The following CSMD1 variants were observed in gnomAD, a reference collection of about 807,000 sequenced individuals.
CSMD1 encodes the protein CUB and sushi domain-containing protein 1.
In CSMD1, 213 loss-of-function variants were observed where a neutral mutation model predicts 417.5. That is an observed-to-expected ratio of 0.51 (90% CI 0.46 to 0.57). CSMD1 has a LOEUF of 0.57. Among genes scored for constraint, CSMD1 ranks in the 20% least tolerant of loss-of-function variants. The probability of loss-of-function intolerance (pLI) is 0.00; values close to 1 mark genes in which losing one functional copy is unlikely to be tolerated. For missense variants in CSMD1, 6,923 were observed against 4,529.7 expected, an observed-to-expected ratio of 1.53 and a Z score of -15.17; for synonymous variants, 2,862 against 1,736.8, an observed-to-expected ratio of 1.65 and a Z score of -16.11.
intron 1 of CSMD1, among the ~76,000 whole-genome samples, chr8:4,686,407 C>T (rs1806389702): frequency 6.6e-6 from 1 of 152,228 alleles, no homozygotes; most frequent in Non-Finnish European, 1.5e-5. Flanking sequence ...GCCACTGTCA[C>T]CTGCCCTTGC....
At chr8:4,385,325 G>T (rs115541866) in intron 3 of CSMD1, among the ~76,000 whole-genome samples, 392 of 152,336 alleles carry the variant, frequency 2.6e-3, no homozygotes, top group African/African-American at 9.3e-3. Flanking sequence ...CTGACAGGCA[G>T]TCACCTAAAA....
intron 10 of CSMD1, among the ~76,000 whole-genome samples, chr8:3,571,202 T>C (rs1372718332): frequency 4.6e-5 from 7 of 152,158 alleles, no homozygotes; most frequent in Non-Finnish European, 1.5e-5. Flanking sequence ...TTGGACTATA[T>C]TCTGCTTTCT....
chr8:4,314,835 G>C (rs567640184), intron 3 of CSMD1, among the ~76,000 whole-genome samples: 1 of 152,196 alleles, frequency 6.6e-6, no homozygotes, highest in Non-Finnish European at 1.5e-5. Context: ...GATTTTGTAA[G>C]AGGAGGGAGC....
chr8:4,069,753 C>A (rs1799448564), intron 3 of CSMD1, among the ~76,000 whole-genome samples: 1 of 152,164 alleles, frequency 6.6e-6, no homozygotes, highest in Non-Finnish European at 1.5e-5. Flanking sequence ...ATGCTGTCTA[C>A]TTCACCTTTA....
At chr8:2,942,451 C>G (rs1409218285) in intron 69 of CSMD1, 21 bp downstream of exon 69, 1 of 1,604,164 alleles carries the variant, frequency 6.2e-7, no homozygotes, top group Admixed American at 1.7e-5. Context: ...CATTCTCAAA[C>G]AGATGGTGTT....
At chr8:3,886,011 G>C (rs561119083) in intron 5 of CSMD1, among the ~76,000 whole-genome samples, 1 of 151,588 alleles carries the variant, frequency 6.6e-6, no homozygotes, top group Non-Finnish European at 1.5e-5. Flanking sequence ...ACATATATAT[G>C]TGTACATATA....
At chr8:3,663,100 G>A (rs749164135) in intron 7 of CSMD1, among the ~76,000 whole-genome samples, 9 of 152,112 alleles carry the variant, frequency 5.9e-5, no homozygotes, top group Admixed American at 1.3e-4. Context: ...AGAACTGCCC[G>A]CAATGAAGAC....
chr8:4,706,696 G>T (rs1476981346), intron 1 of CSMD1, among the ~76,000 whole-genome samples: 1 of 152,102 alleles, frequency 6.6e-6, no homozygotes, highest in Non-Finnish European at 1.5e-5. Flanking sequence ...ATAATGGCAT[G>T]AAAGTCCAAA....
At chr8:4,365,536 T>G (rs932925249) in intron 3 of CSMD1, among the ~76,000 whole-genome samples, 6 of 152,230 alleles carry the variant, frequency 3.9e-5, no homozygotes, top group Non-Finnish European at 8.8e-5. Context: ...CCCTGTGATA[T>G]CAGAGACAGT....
chr8:4,190,827 C>A (rs948439962), intron 3 of CSMD1, among the ~76,000 whole-genome samples: 1 of 152,048 alleles, frequency 6.6e-6, no homozygotes, highest in African/African-American at 2.4e-5. Flanking sequence ...GGGCCATTAC[C>A]CTTCGCAAAC....
intron 11 of CSMD1, among the ~76,000 whole-genome samples, chr8:3,492,112 G>A (rs908725399): frequency 2.0e-5 from 3 of 152,224 alleles, no homozygotes; most frequent in Admixed American, 2.0e-4. Context: ...GCAAAGGCGT[G>A]TGTCTGAACT....
chr8:4,324,777 G>A lies in CSMD1; in HGVS notation c.415+95176C>T, dbSNP rs189584503. Among the ~76,000 whole-genome samples, 289 of 152,252 alleles carry A rather than the reference G, an allele frequency of 1.9e-3. 1 individual carries two copies. The highest frequency in any genetic ancestry group is 2.1e-3 in the Non-Finnish European group (146 of 68,020). ...TGTTTCAGCCCCATAAACAAACATC[G>A]AAAGTGTGTTTACCTAGCGCCTGCT... On this transcript the variant is annotated intron_variant, in intron 3 of 69. Coordinates refer to ENST00000635120, the MANE Select transcript of CSMD1 (RefSeq NM_033225.6).
chr8:3,240,087 G>A (rs967746333), intron 26 of CSMD1, among the ~76,000 whole-genome samples: 1 of 152,148 alleles, frequency 6.6e-6, no homozygotes, highest in East Asian at 1.9e-4. Flanking sequence ...GGGTGGTGGC[G>A]GCTGCCACAA....
At chr8:4,912,292 C>T (rs992073239) in intron 1 of CSMD1, among the ~76,000 whole-genome samples, 9 of 151,720 alleles carry the variant, frequency 5.9e-5, no homozygotes, top group African/African-American at 1.9e-4. Context: ...ACTAAAATGA[C>T]GTGGACAGAA....
At chr8:3,188,036 T>C in intron 35 of CSMD1, 71 bp from the exon 36 acceptor site, 4 of 1,171,582 alleles carry the variant, frequency 3.4e-6, no homozygotes, top group Non-Finnish European at 4.9e-6. Context: ...GATGGGGTTT[T>C]GGGGTTTTTC....
At chr8:4,193,253 A>G (rs1033804494) in intron 3 of CSMD1, among the ~76,000 whole-genome samples, 1 of 152,216 alleles carries the variant, frequency 6.6e-6, no homozygotes, top group Non-Finnish European at 1.5e-5. Flanking sequence ...ACGACAGGGT[A>G]TTGTGAAAAT....
intron 3 of CSMD1, among the ~76,000 whole-genome samples, chr8:4,130,781 A>C (rs537296655): frequency 1.1e-4 from 17 of 152,040 alleles, no homozygotes; most frequent in Admixed American, 1.0e-3. Context: ...TTTGTAACAA[A>C]ATCTGTCAAT....
At chr8:3,133,208 G>C (rs1467570331) in intron 41 of CSMD1, among the ~76,000 whole-genome samples, 1 of 151,828 alleles carries the variant, frequency 6.6e-6, no homozygotes, top group East Asian at 1.9e-4. Flanking sequence ...TGTCCTCCTG[G>C]GCCTTCTTGG....
chr8:4,138,044 A>ATTT lies in CSMD1; in HGVS notation c.416-105948_416-105946dup, dbSNP rs55993904. ...AGGCGCCCGCCACCATGCCCGGCTA[A>ATTT]TTTTTTTTTTTTTTTTTTTTTTTTT... On this transcript the variant is annotated intron_variant, in intron 3 of 69. Coordinates refer to ENST00000635120, the MANE Select transcript of CSMD1 (RefSeq NM_033225.6). Among the ~76,000 whole-genome samples the ATTT allele has an allele frequency of 2.6e-4, 16 of 62,700 alleles. 1 individual carries two copies. The highest frequency in any genetic ancestry group is 4.4e-4 in the African/African-American group (7 of 15,874). 41.1% of individuals were successfully genotyped at this position (62,700 alleles called of 152,430 possible).
Sources: gnomAD v4.1 joint callset for allele counts (sites outside exome capture counted in the v4.1 genomes callset) on GRCh38, gnomAD v4.1.1 for gene constraint, MANE v1.5 for transcripts, NCBI Gene and HGNC (gene_info 2026-07-23, HGNC 2026-07-21) for gene names.